SARNP: variants seen among roughly 807,000 people sequenced by gnomAD.
SARNP encodes SAP domain containing ribonucleoprotein, also known as SAP domain-containing ribonucleoprotein.
SARNP carries 5 observed loss-of-function variants against 38.1 expected under a neutral mutation model. The ratio of observed to expected loss-of-function variants is 0.13; its 90% CI spans 0.07 to 0.28. SARNP has a LOEUF of 0.28. SARNP is among the 10% of genes least tolerant of loss of function. The pLI is 1.00. For synonymous variants in SARNP, 84 were observed against 80.6 expected, an observed-to-expected ratio of 1.04 and a Z score of -0.23; for missense variants, 180 against 243.9, an observed-to-expected ratio of 0.74 and a Z score of 1.75.
At chr12:55,803,088 G>A (rs991131724) in intron 2 of SARNP, among the ~76,000 whole-genome samples, 2 of 152,022 alleles carry the variant, frequency 1.3e-5, no homozygotes, top group Non-Finnish European at 2.9e-5. Context: ...ACATTAGAAC[G>A]GGTGCCTAAA....
chr12:55,811,425 G>A (rs1880323968), intron 1 of SARNP, among the ~76,000 whole-genome samples: 1 of 152,172 alleles, frequency 6.6e-6, no homozygotes, highest in Non-Finnish European at 1.5e-5. Context: ...CACAGTTCAG[G>A]TGTGGTGGTG....
At chr12:55,782,488 C>A (rs1879368948) in intron 9 of SARNP, among the ~76,000 whole-genome samples, 1 of 152,164 alleles carries the variant, frequency 6.6e-6, no homozygotes. Context: ...CAGTACTAAG[C>A]CCAGACTTAG....
intron 1 of SARNP, among the ~76,000 whole-genome samples, chr12:55,816,359 A>AT (rs948516894): frequency 3.9e-5 from 6 of 152,180 alleles, no homozygotes; most frequent in Admixed American, 1.3e-4. Flanking sequence ...TGATTGCTCA[A>AT]TTTTTTTTAA....
intron 9 of SARNP, among the ~76,000 whole-genome samples, chr12:55,781,315 C>G (rs545217206): frequency 1.3e-5 from 2 of 151,980 alleles, no homozygotes; most frequent in South Asian, 2.1e-4. Flanking sequence ...GCAGGCAGAT[C>G]ACAAAGTCAG....
At chr12:55,799,575 T>TTTTTTC (rs1555173534) in intron 4 of SARNP, among the ~76,000 whole-genome samples, 64 of 148,154 alleles carry the variant, frequency 4.3e-4, no homozygotes, top group African/African-American at 7.0e-4. Context: ...TTTTTTTTTT[T>TTTTTTC]CCCGAGACAG....
intron 7 of SARNP, chr12:55,793,753 C>T (rs1879742298): frequency 6.6e-6 from 1 of 152,646 alleles, no homozygotes; most frequent in Non-Finnish European, 1.5e-5. Context: ...TGGGAACGTA[C>T]TGTTAATATA....
intron 1 of SARNP, among the ~76,000 whole-genome samples, chr12:55,811,902 T>C (rs1880338919): frequency 6.6e-6 from 1 of 152,242 alleles, no homozygotes; most frequent in Non-Finnish European, 1.5e-5. Context: ...CGGCAAATGC[T>C]ACTACTCTAG....
At chr12:55,774,883 G>A (rs796133776) in intron 9 of SARNP, among the ~76,000 whole-genome samples, 243 of 110,746 alleles carry the variant, frequency 2.2e-3, no homozygotes, top group African/African-American at 8.2e-3. Context: ...ATTTCTATTT[G>A]TTTTTTTTTT....
chr12:55,792,716 GCT>G (rs1565679028), intron 7 of SARNP: 1 of 151,658 alleles, frequency 6.6e-6, no homozygotes, highest in Non-Finnish European at 1.5e-5. Flanking sequence ...ACAGGATCTT[GCT>G]CTGTCACCCA....
At chr12:55,797,987 T>C (rs1006781225) in intron 4 of SARNP, among the ~76,000 whole-genome samples, 2 of 152,234 alleles carry the variant, frequency 1.3e-5, no homozygotes, top group Non-Finnish European at 2.9e-5. Context: ...AATAATGAAC[T>C]TCAAACTTTC....
chr12:55,811,757 T>C (rs1880334686), intron 1 of SARNP, among the ~76,000 whole-genome samples: 1 of 152,182 alleles, frequency 6.6e-6, no homozygotes, highest in African/African-American at 2.4e-5. Context: ...CCTGTAAATA[T>C]TCACTAAGAT....
At chr12:55,805,787 TG>T (rs1317690632) in intron 1 of SARNP, among the ~76,000 whole-genome samples, 1 of 152,110 alleles carries the variant, frequency 6.6e-6, no homozygotes, top group Non-Finnish European at 1.5e-5. Flanking sequence ...AGGCGGAGGT[TG>T]CAGTGAGCCA....
chr12:55,817,604 G>C, intron 1 of SARNP, 62 bp downstream of exon 1: 1 of 1,505,506 alleles, frequency 6.6e-7, no homozygotes, highest in Non-Finnish European at 9.1e-7. Context: ...GAAGGCGCAA[G>C]CTACCCTGTA....
chr12:55,799,479 G>T (rs1318008034), intron 4 of SARNP, among the ~76,000 whole-genome samples: 1 of 151,180 alleles, frequency 6.6e-6, no homozygotes, highest in Non-Finnish European at 1.5e-5. Context: ...AAGCAAGAGA[G>T]AACAGAGTGC....
At chr12:55,808,042 T>G (rs1166987077) in intron 1 of SARNP, among the ~76,000 whole-genome samples, 1 of 152,214 alleles carries the variant, frequency 6.6e-6, no homozygotes, top group Non-Finnish European at 1.5e-5. Context: ...CACTTAACAT[T>G]TACATATATC....
At chr12:55,776,219 C>T (rs1232375206) in intron 9 of SARNP, among the ~76,000 whole-genome samples, 1 of 152,062 alleles carries the variant, frequency 6.6e-6, no homozygotes, top group Non-Finnish European at 1.5e-5. Context: ...CAAGAGGACT[C>T]CTTGAGCCCA....
intron 1 of SARNP, 133 bp downstream of exon 1, chr12:55,817,533 A>G (rs1435147268): frequency 5.0e-6 from 4 of 794,230 alleles, no homozygotes; most frequent in African/African-American, 3.5e-5. Flanking sequence ...GGGTGGCACA[A>G]AAGAGCTACG....
Position 55,791,115 on chromosome 12 carries a change from C to A in SARNP, c.407-523G>T, listed in dbSNP as rs116615728. ...AAGACAATACACTATACGCACTATACGAATTCATTTATATGAAGGCAAATT... is the reference window on the plus strand; with the variant it reads ...AAGACAATACACTATACGCACTATAAGAATTCATTTATATGAAGGCAAATT... On this transcript the variant is annotated intron_variant, in intron 7 of 10. Coordinates refer to ENST00000336133, the MANE Select transcript of SARNP (RefSeq NM_033082.4). 8.8e-3 allele frequency among the ~76,000 whole-genome samples: 1,337 copies of A among 152,200 alleles called. 23 individuals carry two copies. Among genetic ancestry groups the A allele is most frequent in the African/African-American group, 0.03 (1,266 of 41,528 alleles).
At chr12:55,782,371 A>G (rs1441856362) in intron 9 of SARNP, among the ~76,000 whole-genome samples, 1 of 152,144 alleles carries the variant, frequency 6.6e-6, no homozygotes, top group Non-Finnish European at 1.5e-5. Flanking sequence ...ACCCATGTAG[A>G]TGGATTTCCT....
Sources: allele counts gnomAD v4.1 joint callset (sites outside exome capture counted in the v4.1 genomes callset), GRCh38; gene constraint gnomAD v4.1.1; transcripts MANE v1.5; gene names NCBI Gene and HGNC (gene_info 2026-07-23, HGNC 2026-07-21).